CIB1: variants seen among roughly 807,000 people sequenced by gnomAD.
CIB1 encodes the protein calcium and integrin-binding protein 1.
Under a neutral mutation model 25.0 loss-of-function variants are expected in CIB1, and 19 were observed. The ratio of observed to expected loss-of-function variants is 0.76; its 90% confidence interval spans 0.53 to 1.12. The LOEUF is 1.12. Ranked by LOEUF, CIB1 falls within the 50% of genes most tolerant of loss-of-function variation. CIB1 has a pLI of 0.00. For missense variants in CIB1, 236 were observed against 242.6 expected (o/e 0.97, Z 0.18); for synonymous variants, 104 against 98.5 (o/e 1.06, Z -0.33).
At chr15:90,260,183 G>C in the CIB1 span, among the ~76,000 whole-genome samples, 1 of 152,168 alleles carries the variant, frequency 6.6e-6, no homozygotes, top group African/African-American at 2.4e-5. Context: ...TCGTACACTA[G>C]AGTACTAGGC....
At chr15:90,232,454 A>G in intron 2 of CIB1, 127 bp from the exon 3 acceptor site, 1 of 1,420,848 alleles carries the variant, frequency 7.0e-7, no homozygotes, top group Non-Finnish European at 9.2e-7. Flanking sequence ...AGAACTTCCG[A>G]GTCATCAGGC....
chr15:90,232,657 A>G (rs187683382), intron 2 of CIB1, among the ~76,000 whole-genome samples: 17 of 152,336 alleles, frequency 1.1e-4, no homozygotes, highest in Non-Finnish European at 4.4e-5. Context: ...CTGTAATCCC[A>G]GCACTTTGGG....
chr15:90,263,931 C>T, the CIB1 span: 1 of 1,504,526 alleles, frequency 6.6e-7, no homozygotes, highest in Non-Finnish European at 8.9e-7. Context: ...CACATGTTCC[C>T]CGGTACCATC....
chr15:90,235,526 T>TA (rs938077807), upstream of CIB1, among the ~76,000 whole-genome samples: 6 of 150,832 alleles, frequency 4.0e-5, no homozygotes, highest in South Asian at 6.3e-4. Context: ...AAAATAAAAA[T>TA]AAAAAAAAAT....
chr15:90,232,266 G>A lies in CIB1; in HGVS notation c.148C>T (p.Arg50Trp), dbSNP rs572714028. Residue 50 changes from arginine (R) to tryptophan (W), a missense_variant, in exon 3 of 7, where the codon CGG becomes TGG. Coordinates refer to ENST00000328649, the MANE Select transcript of CIB1 (RefSeq NM_006384.4). ...ATCTGCTCGAAGGGCACTTGTGCCC[G>A]AAGTGACGACTCCACGCTCCGCTGC... ...QEQRSVESSLRAQVPFEQILS... is the reference protein window; with the variant it reads ...QEQRSVESSLWAQVPFEQILS... The A allele has an allele frequency of 8.7e-5, 141 of 1,612,848 alleles. 1 individual carries two copies. In the East Asian group the frequency reaches 2.2e-3, roughly 25 times the overall value.
chr15:90,232,105 G>T, intron 3 of CIB1, 114 bp downstream of exon 3: 1 of 794,272 alleles, frequency 1.3e-6, no homozygotes, highest in Non-Finnish European at 2.0e-6. Flanking sequence ...GCAGAAAAAT[G>T]ACCAGAGTGG....
At chr15:90,249,936 G>A in the CIB1 span, 127 of 122,436 alleles carry the variant, frequency 1.0e-3, no homozygotes, top group South Asian at 1.3e-3. Context: ...TTGGTCTTCA[G>A]CTGTATTTTA....
At chr15:90,242,278 T>A in the CIB1 span, 14 of 247,810 alleles carry the variant, frequency 5.6e-5, no homozygotes, top group East Asian at 2.1e-4. Flanking sequence ...TTTTTTTTTT[T>A]AACGATTAGG....
chr15:90,258,687 G>GCCA, the CIB1 span: 1 of 1,430,322 alleles, frequency 7.0e-7, no homozygotes, highest in Non-Finnish European at 9.9e-7. Flanking sequence ...CCTGCAAGAG[G>GCCA]CCACCACCTG....
the CIB1 span, chr15:90,250,954 A>G: frequency 1.3e-6 from 2 of 1,554,240 alleles, no homozygotes; most frequent in Non-Finnish European, 1.7e-6. Flanking sequence ...TCCCTTCAAC[A>G]TCTGGAGGAG....
At chr15:90,237,085 A>T (rs7163678), upstream of CIB1, among the ~76,000 whole-genome samples, 29,182 of 151,330 alleles carry the variant, frequency 0.19, 3,002 homozygotes, top group Middle Eastern at 0.24. Context: ...TAGCCTCCCG[A>T]GTAGCTGAGA....
At chr15:90,257,844 C>G in the CIB1 span, 2 of 1,053,560 alleles carry the variant, frequency 1.9e-6, no homozygotes, top group African/African-American at 3.1e-5. Context: ...CTTTATAGAC[C>G]CTGTCCTGTG....
chr15:90,258,946 A>T, the CIB1 span: 1 of 1,614,082 alleles, frequency 6.2e-7, no homozygotes, highest in Non-Finnish European at 8.5e-7. Flanking sequence ...GGTGTCTGGC[A>T]TGTGTTTAGT....
In CIB1 at chr15:90,230,996, C is replaced by G; in HGVS notation, c.492G>C (p.Arg164Ser). 1 of 1,614,132 alleles carries G rather than the reference C, an allele frequency of 6.2e-7. No homozygotes were observed. Among genetic ancestry groups the G allele is most frequent in the Non-Finnish European group, 8.5e-7 (1 of 1,180,000 alleles). The stretch of plus-strand genomic sequence containing the variant: ...ACTCAGAGAGGTTGATGGTTCCATC[C>G]CTGTCAATGTCAGACTCCTCCAGGA... ...DNILEESDIDRDGTINLSEFQ... is the reference protein window; with the variant it reads ...DNILEESDIDSDGTINLSEFQ... Residue 164 changes from arginine to serine, a missense_variant, in exon 6 of 7, where the codon AGG becomes AGC. Physicochemically the swap from Arg to Ser is moderately radical, Grantham distance 110 (BLOSUM62 -1). Coordinates refer to ENST00000328649, the MANE Select transcript of CIB1 (RefSeq NM_006384.4).
chr15:90,262,261 C>T, the CIB1 span: 1 of 1,412,436 alleles, frequency 7.1e-7, no homozygotes, highest in South Asian at 1.5e-5. Context: ...TGCTTCCCAG[C>T]AGGGAAAGAG....
chr15:90,236,794 C>T (rs76139700), upstream of CIB1, among the ~76,000 whole-genome samples: 3,662 of 151,942 alleles, frequency 0.024, 143 homozygotes, highest in African/African-American at 0.08. Flanking sequence ...CCTCAGCCTC[C>T]CAAAGTGCTG....
intron 6 of CIB1, 121 bp downstream of exon 6, chr15:90,230,813 T>C (rs1416180630): frequency 2.1e-6 from 2 of 935,156 alleles, no homozygotes; most frequent in African/African-American, 1.6e-5. Flanking sequence ...TAGCCGGCCC[T>C]GTGTGTGGGG....
At chr15:90,256,566 TTTC>T in the CIB1 span, among the ~76,000 whole-genome samples, 1 of 80,980 alleles carries the variant, frequency 1.2e-5, no homozygotes, top group Non-Finnish European at 2.6e-5. Flanking sequence ...TCTTTCTTTC[TTTC>T]TTTCTTTCTT....
At chr15:90,255,100 G>T in the CIB1 span, among the ~76,000 whole-genome samples, 2 of 152,240 alleles carry the variant, frequency 1.3e-5, no homozygotes, top group African/African-American at 4.8e-5. Context: ...CTGTCCCCCT[G>T]TGCAGACAGG....
Sources: gnomAD v4.1 joint callset for allele counts (sites outside exome capture counted in the v4.1 genomes callset) on GRCh38, gnomAD v4.1.1 for gene constraint, MANE v1.5 for transcripts, NCBI Gene and HGNC (gene_info 2026-07-23, HGNC 2026-07-21) for gene names.